Variants in CLPTM1 observed in about 807,000 individuals in gnomAD.
The protein encoded by CLPTM1 is CLPTM1 regulator of GABA type A receptor forward trafficking, also known as putative lipid scramblase CLPTM1.
CLPTM1 carries 21 observed loss-of-function variants against 77.3 expected under a neutral mutation model. The ratio of observed to expected loss-of-function variants is 0.27; its 90% CI spans 0.19 to 0.39. CLPTM1 has a LOEUF of 0.39. Ranked by LOEUF, CLPTM1 falls within the 10% of genes least tolerant of loss-of-function variation. The pLI is 1.00. For missense variants in CLPTM1, 642 were observed against 921.2 expected (o/e 0.70, Z 3.92); for synonymous variants, 373 against 381.0 (o/e 0.98, Z 0.24).
rs71173113 is a variant in CLPTM1 at position 44,973,761 on chromosome 19, G to GTTTTTTTTTTTT, written c.309+560_309+571dup. 3.7e-4 allele frequency among the ~76,000 whole-genome samples: 23 copies of GTTTTTTTTTTTT among 62,422 alleles called. 1 individual carries two copies. Among genetic ancestry groups the GTTTTTTTTTTTT allele is most frequent in the African/African-American group, 8.9e-4 (20 of 22,522 alleles). The allele number at this position is 62,422 out of a possible 152,430, so 41.0% of individuals were successfully genotyped here. On this transcript the variant is annotated intron_variant, in intron 3 of 13. Transcript: ENST00000337392. ...GGAAGTTCTTGTTGGGTCACAGTGGGTTTTTTTTTTTTTTTTTTTTGAGAT... is the reference window on the plus strand; with the variant it reads ...GGAAGTTCTTGTTGGGTCACAGTGGGTTTTTTTTTTTTTTTTTTTTTTTTTTTTTTTTGAGAT...
At chr19:44,980,999 G>A (rs1600036035) in intron 5 of CLPTM1, among the ~76,000 whole-genome samples, 1 of 151,516 alleles carries the variant, frequency 6.6e-6, no homozygotes, top group Non-Finnish European at 1.5e-5. Flanking sequence ...CACCACGCCC[G>A]GCTAATGGTT....
rs555374521 is a variant in CLPTM1, at chr19:44,978,487, G to A, written c.586+1027G>A. On this transcript the variant is annotated intron_variant, in intron 5 of 13. Coordinates refer to ENST00000337392, the MANE Select transcript of CLPTM1 (RefSeq NM_001294.4). ...GACTTCGTTGCTACAAAAATTAATA[G>A]CCAGGTATGGTGGTGAGCACCTGTG... 7.2e-5 allele frequency among the ~76,000 whole-genome samples: 11 copies of A among 151,806 alleles called. No individual in the cohort carries two copies. The East Asian group carries it at 1.4e-3, about 19-fold the overall frequency.
chr19:44,987,035 G>C, intron 7 of CLPTM1, 144 bp from the exon 8 acceptor site: 1 of 1,114,642 alleles, frequency 9.0e-7, no homozygotes, highest in Non-Finnish European at 1.3e-6. Flanking sequence ...GCACCCTTTA[G>C]CTCCTCATGG....
chr19:44,956,908 T>C (rs1331366284), intron 1 of CLPTM1, among the ~76,000 whole-genome samples: 1 of 152,214 alleles, frequency 6.6e-6, no homozygotes, highest in East Asian at 1.9e-4. Context: ...GACTAGGATT[T>C]CTCGAGCTCG....
At chr19:44,976,556 A>G (rs1970808797) in intron 4 of CLPTM1, among the ~76,000 whole-genome samples, 1 of 152,206 alleles carries the variant, frequency 6.6e-6, no homozygotes, top group Non-Finnish European at 1.5e-5. Flanking sequence ...AGCTCTGCAC[A>G]AGGATCAGAG....
chr19:44,965,104 T>G (rs1241155628), intron 2 of CLPTM1, among the ~76,000 whole-genome samples: 1 of 152,170 alleles, frequency 6.6e-6, no homozygotes, highest in Non-Finnish European at 1.5e-5. Context: ...TTTTTTTGCT[T>G]TTTGGAGATG....
At chr19:44,982,581 C>A (rs1343421474) in intron 5 of CLPTM1, among the ~76,000 whole-genome samples, 3 of 152,200 alleles carry the variant, frequency 2.0e-5, no homozygotes, top group Non-Finnish European at 4.4e-5. Context: ...GAGCCAAAGC[C>A]TCTCTCCCCT....
chr19:44,977,312 G>A (rs1970819942), intron 4 of CLPTM1, 31 bp from the exon 5 acceptor site: 2 of 1,561,544 alleles, frequency 1.3e-6, no homozygotes, highest in Non-Finnish European at 1.8e-6. Context: ...CAGTTGCCCA[G>A]CCTGCCCACC....
chr19:44,956,807 C>T (rs541438715), intron 1 of CLPTM1, among the ~76,000 whole-genome samples: 11 of 152,312 alleles, frequency 7.2e-5, no homozygotes, highest in Admixed American at 6.5e-4. Flanking sequence ...TGCTTAAAAA[C>T]AATCAAGAGT....
At chr19:44,955,169 A>G (rs964367844), upstream of CLPTM1, 7 of 1,535,636 alleles carry the variant, frequency 4.6e-6, no homozygotes, top group Non-Finnish European at 6.1e-6. Flanking sequence ...CGGAGCATAC[A>G]GTGTTTTTAT....
At chr19:44,976,877 G>C (rs1970813526) in intron 4 of CLPTM1, among the ~76,000 whole-genome samples, 2 of 152,186 alleles carry the variant, frequency 1.3e-5, no homozygotes, top group African/African-American at 4.8e-5. Flanking sequence ...GCATAAGGTT[G>C]ACATGTTATA....
chr19:44,958,248 T>C (rs927363147), intron 1 of CLPTM1, among the ~76,000 whole-genome samples: 1 of 151,274 alleles, frequency 6.6e-6, no homozygotes, highest in Non-Finnish European at 1.5e-5. Flanking sequence ...CCTGGTGTGA[T>C]GAAGGAAGGG....
At chr19:44,987,096 TGGGTCTCTCCAGACATCTGAGGCCTGC>T (rs1461641365) in intron 7 of CLPTM1, 56 bp from the exon 8 acceptor site, 25 of 1,504,252 alleles carry the variant, frequency 1.7e-5, no homozygotes, top group Non-Finnish European at 1.8e-5. Flanking sequence ...GGGGCCCTGT[TGGGTCTCTCCAGACATCTGAGGCCTGC>T]GGGTACCCTG....
At chr19:44,975,752 C>T (rs888978215) in intron 4 of CLPTM1, among the ~76,000 whole-genome samples, 1 of 152,036 alleles carries the variant, frequency 6.6e-6, no homozygotes, top group Non-Finnish European at 1.5e-5. Context: ...TTAGTAGAGA[C>T]AAGGTTTCAC....
At chr19:44,954,984 A>G, upstream of CLPTM1, 1 of 1,535,622 alleles carries the variant, frequency 6.5e-7, no homozygotes, top group Non-Finnish European at 8.7e-7. Context: ...TCGAAGCCGT[A>G]CAGTGGCCGG....
intron 8 of CLPTM1, 103 bp downstream of exon 8, chr19:44,987,526 C>G: frequency 6.9e-7 from 1 of 1,458,100 alleles, no homozygotes; most frequent in African/African-American, 1.4e-5. Context: ...CCGCCTGGTG[C>G]TCCTCTGCCC....
chr19:44,979,273 C>T (rs996482199), intron 5 of CLPTM1, among the ~76,000 whole-genome samples: 11 of 152,092 alleles, frequency 7.2e-5, no homozygotes, highest in African/African-American at 2.7e-4. Context: ...GCTGCCACAC[C>T]CAGCCTTGCT....
At chr19:44,974,680 G>A (rs1970778888) in intron 4 of CLPTM1, 83 bp downstream of exon 4, 1 of 1,500,968 alleles carries the variant, frequency 6.7e-7, no homozygotes, top group African/African-American at 1.4e-5. Flanking sequence ...TCCTTGCTGA[G>A]AGCATGTGGA....
rs1313787679 is a variant in CLPTM1 at position 44,992,684 on chromosome 19, CA to C, written c.1798del (p.Met600Ter). The C allele has an allele frequency of 6.2e-7, 1 of 1,613,890 alleles. No homozygotes were observed. Among genetic ancestry groups the C allele is most frequent in the Non-Finnish European group, 8.5e-7 (1 of 1,179,930 alleles). ...VDPTRVNEFG[M>X]SGEDPTAAAP... is the part of the protein sequence containing the mutation. Reference sequence around the variant, plus strand: ...ACCCCACCCGAGTCAACGAGTTTGGCATGAGTGGAGAAGACCCCACAGCTGC... The same window carrying C: ...ACCCCACCCGAGTCAACGAGTTTGGCTGAGTGGAGAAGACCCCACAGCTGC... On this transcript the variant is annotated frameshift_variant, in exon 14 of 14. Coordinates refer to ENST00000337392, the MANE Select transcript of CLPTM1 (RefSeq NM_001294.4). LOFTEE classifies it low-confidence loss of function (END_TRUNC). This position sits in a 1 kb window ranked among gnomAD's most constrained non-coding sequence, Gnocchi z 7.7.
Sources: gnomAD v4.1 joint callset for allele counts (sites outside exome capture counted in the v4.1 genomes callset) on GRCh38, gnomAD v4.1.1 for gene constraint, Gnocchi (gnomAD v3.1) non-coding constraint, MANE v1.5 for transcripts, NCBI Gene and HGNC (gene_info 2026-07-23, HGNC 2026-07-21) for gene names.